AGMO: variants seen among roughly 807,000 people sequenced by gnomAD.
AGMO encodes glyceryl-ether monooxygenase.
A neutral mutation model predicts 60.2 loss-of-function variants in AGMO; 75 were observed. The observed-to-expected ratio is 1.25, with a 90% confidence interval of 1.03 to 1.51. AGMO has a LOEUF of 1.51. Among genes scored for constraint, AGMO ranks in the 40% most tolerant of loss-of-function variants. AGMO has a pLI of 0.00. For synonymous variants in AGMO, 261 were observed against 177.1 expected, an observed-to-expected ratio of 1.47 and a Z score of -3.76; for missense variants, 763 against 525.5, an observed-to-expected ratio of 1.45 and a Z score of -4.42.
intron 12 of AGMO, among the ~76,000 whole-genome samples, chr7:15,327,303 C>T (rs1202178086): frequency 1.3e-5 from 2 of 152,052 alleles, no homozygotes; most frequent in Non-Finnish European, 2.9e-5. Flanking sequence ...GGCTAGGTTT[C>T]CATGAAGAAA....
At chr7:15,463,554 A>C (rs978854126) in intron 3 of AGMO, among the ~76,000 whole-genome samples, 2 of 152,216 alleles carry the variant, frequency 1.3e-5, no homozygotes, top group Non-Finnish European at 2.9e-5. Flanking sequence ...TTTCGAGCAA[A>C]GAATTAATAA....
the AGMO span, among the ~76,000 whole-genome samples, chr7:15,131,207 A>G: frequency 5.9e-5 from 9 of 152,144 alleles, no homozygotes; most frequent in African/African-American, 1.9e-4. Flanking sequence ...GATCTGTAGA[A>G]CAGTTTTCAT....
At chr7:15,296,234 G>A (rs1784401014) in intron 12 of AGMO, among the ~76,000 whole-genome samples, 1 of 152,058 alleles carries the variant, frequency 6.6e-6, no homozygotes, top group African/African-American at 2.4e-5. Context: ...TTTAGCTAAT[G>A]TCAGAGATAG....
the AGMO span, among the ~76,000 whole-genome samples, chr7:15,172,315 A>G: frequency 1.3e-5 from 2 of 152,218 alleles, no homozygotes; most frequent in Admixed American, 6.5e-5. Context: ...GTACATTTAA[A>G]TAAGTTGAGT....
intron 12 of AGMO, among the ~76,000 whole-genome samples, chr7:15,209,367 A>G (rs775872921): frequency 4.9e-5 from 7 of 142,662 alleles, no homozygotes; most frequent in Non-Finnish European, 9.0e-5. Context: ...CCATGTAGGA[A>G]ACAAAAAAAA....
chr7:15,354,371 CGTGTGTAT>C lies in AGMO; in HGVS notation c.1263+11135_1263+11142del, dbSNP rs1563105063. Among the ~76,000 whole-genome samples the C allele has an allele frequency of 4.7e-4, 26 of 55,204 alleles. 5 individuals carry two copies. The highest frequency in any genetic ancestry group is 2.7e-3 in the African/African-American group (21 of 7,874). 36.2% of individuals were successfully genotyped at this position (55,204 alleles called of 152,430 possible). ...GTGTATATAGACGTGTGTATATAGA[CGTGTGTAT>C]ACACGTGTGTGTATACACGTGTGTG... On this transcript the variant is annotated intron_variant, in intron 12 of 12. Transcript: ENST00000342526.
chr7:15,326,894 A>AC (rs1781354016), intron 12 of AGMO, among the ~76,000 whole-genome samples: 1 of 152,216 alleles, frequency 6.6e-6, no homozygotes, highest in Admixed American at 6.5e-5. Flanking sequence ...GGAAAAGATT[A>AC]CCAAACTAGA....
intron 12 of AGMO, among the ~76,000 whole-genome samples, chr7:15,252,449 T>C (rs1440245662): frequency 2.0e-5 from 3 of 152,226 alleles, no homozygotes; most frequent in East Asian, 1.9e-4. Flanking sequence ...CATATGACTG[T>C]ACTGCCTTTC....
chr7:15,243,387 T>G (rs1161944586), intron 12 of AGMO, among the ~76,000 whole-genome samples: 1 of 151,936 alleles, frequency 6.6e-6, no homozygotes, highest in Non-Finnish European at 1.5e-5. Context: ...CCTTATGAGC[T>G]AGATGTTTTT....
chr7:15,149,799 C>T, the AGMO span, among the ~76,000 whole-genome samples: 1 of 151,902 alleles, frequency 6.6e-6, no homozygotes, highest in Non-Finnish European at 1.5e-5. Flanking sequence ...TATTTGGGCT[C>T]TTCTTTGGTT....
chr7:15,409,485 A>T (rs551229870), intron 5 of AGMO, among the ~76,000 whole-genome samples: 1 of 152,046 alleles, frequency 6.6e-6, no homozygotes, highest in South Asian at 2.1e-4. Context: ...TAGCCTTAAA[A>T]GGAATGGGGT....
chr7:15,219,742 G>A (rs1781858533), intron 12 of AGMO, among the ~76,000 whole-genome samples: 1 of 152,092 alleles, frequency 6.6e-6, no homozygotes, highest in Non-Finnish European at 1.5e-5. Flanking sequence ...TGATGACAGT[G>A]GCCAGAGGGA....
chr7:15,543,531 G>T (rs567377715), intron 3 of AGMO, among the ~76,000 whole-genome samples: 2 of 152,244 alleles, frequency 1.3e-5, no homozygotes, highest in African/African-American at 4.8e-5. Flanking sequence ...TTGTAATGTG[G>T]AAGTACTGCC....
the AGMO span, among the ~76,000 whole-genome samples, chr7:15,125,769 C>A: frequency 6.6e-6 from 1 of 151,962 alleles, no homozygotes; most frequent in African/African-American, 2.4e-5. Flanking sequence ...AGGAGCAGAT[C>A]CTAGAACAAG....
chr7:15,461,102 C>T (rs775067684), intron 3 of AGMO, among the ~76,000 whole-genome samples: 5 of 151,846 alleles, frequency 3.3e-5, no homozygotes, highest in Non-Finnish European at 5.9e-5. Context: ...TTATAAGGCC[C>T]CTAGATAAGG....
intron 12 of AGMO, among the ~76,000 whole-genome samples, chr7:15,269,811 T>C (rs1032753949): frequency 6.6e-6 from 1 of 152,012 alleles, no homozygotes; most frequent in African/African-American, 2.4e-5. Flanking sequence ...CATCTTTATA[T>C]TCATGTGTAC....
intron 3 of AGMO, among the ~76,000 whole-genome samples, chr7:15,494,090 A>G (rs12699725): frequency 0.66 from 100,695 of 151,988 alleles, 36,743 homozygotes; most frequent in East Asian, 0.96. Flanking sequence ...AAGGTCAACA[A>G]GTGAATCCCA....
chr7:15,271,968 T>G (rs920966267), intron 12 of AGMO, among the ~76,000 whole-genome samples: 4 of 152,162 alleles, frequency 2.6e-5, no homozygotes, highest in Non-Finnish European at 4.4e-5. Flanking sequence ...TGGGTCACAT[T>G]TATTGATTTG....
chr7:15,454,027 AT>A (rs1460417242), intron 3 of AGMO, among the ~76,000 whole-genome samples: 1 of 148,562 alleles, frequency 6.7e-6, no homozygotes, highest in African/African-American at 2.4e-5. Context: ...ATGTTTATAT[AT>A]TTTTTATATA....
Sources: gnomAD v4.1 joint callset for allele counts (sites outside exome capture counted in the v4.1 genomes callset) on GRCh38, gnomAD v4.1.1 for gene constraint, MANE v1.5 for transcripts, NCBI Gene and HGNC (gene_info 2026-07-23, HGNC 2026-07-21) for gene names.